Variants in SLC39A11 observed in about 807,000 individuals in gnomAD.
The protein encoded by SLC39A11 is zinc transporter ZIP11.
Under a neutral mutation model 36.1 loss-of-function variants are expected in SLC39A11, and 33 were observed. The ratio of observed to expected loss-of-function variants is 0.91; its 90% CI spans 0.69 to 1.22. The LOEUF (loss-of-function observed/expected upper bound fraction) is 1.22, where lower values mean the gene tolerates loss of function less well. Among genes scored for constraint, SLC39A11 ranks in the 50% most tolerant of loss-of-function variants. The pLI is 0.00. For synonymous variants in SLC39A11, 166 were observed against 170.3 expected (o/e 0.97, Z 0.20); for missense variants, 432 against 430.3 (o/e 1.00, Z -0.03).
chr17:73,057,508 T>A (rs924273545), intron 3 of SLC39A11, among the ~76,000 whole-genome samples: 3 of 152,190 alleles, frequency 2.0e-5, no homozygotes, highest in Admixed American at 2.0e-4. Context: ...CAAAAACAAA[T>A]AAAAGTGATT....
intron 6 of SLC39A11, among the ~76,000 whole-genome samples, chr17:72,801,062 C>T (rs748804108): frequency 1.2e-4 from 19 of 152,148 alleles, no homozygotes; most frequent in Non-Finnish European, 2.6e-4. Context: ...CACAAAAGCC[C>T]ACAGACGACA....
chr17:72,975,072 C>T lies in SLC39A11; in HGVS notation c.307-27197G>A, dbSNP rs111944847. Among the ~76,000 whole-genome samples the T allele has an allele frequency of 6.9e-3, 1,050 of 152,202 alleles. 15 individuals are homozygous for T. Among genetic ancestry groups the T allele is most frequent in the African/African-American group, 0.022 (916 of 41,512 alleles). On this transcript the variant is annotated intron_variant, in intron 4 of 9. Coordinates refer to ENST00000255559, the MANE Select transcript of SLC39A11 (RefSeq NM_139177.4). ...AGACATTTCTCAGCATGTATCCCCA[C>T]CGTTGAGTAATGCATGACTTTATTA...
chr17:73,061,890 G>C (rs1174270955), intron 3 of SLC39A11, among the ~76,000 whole-genome samples: 1 of 152,070 alleles, frequency 6.6e-6, no homozygotes, highest in Non-Finnish European at 1.5e-5. Context: ...CAGCTACTCA[G>C]GGGGCTAAGG....
Position 73,043,901 on chromosome 17 carries a change from A to C in SLC39A11, c.148-12187T>G, listed in dbSNP as rs150644651. On this transcript the variant is annotated intron_variant, in intron 3 of 9. Coordinates refer to ENST00000255559, the MANE Select transcript of SLC39A11 (RefSeq NM_139177.4). ...TCAGTATGAATCAAATCCATATGGG[A>C]GCTATATCTGTACTTAATTTGCTTT... 1.0e-3 allele frequency among the ~76,000 whole-genome samples: 154 copies of C among 152,312 alleles called. 3 individuals carry two copies. The East Asian group carries it at 0.023, about 22-fold the overall frequency.
chr17:73,018,588 T>C (rs2058245457), intron 4 of SLC39A11, among the ~76,000 whole-genome samples: 1 of 151,886 alleles, frequency 6.6e-6, no homozygotes, highest in African/African-American at 2.4e-5. Flanking sequence ...AATCAATCTA[T>C]AGACCCAAGA....
chr17:72,694,512 G>A lies in SLC39A11; in HGVS notation c.671+42138C>T, dbSNP rs370777441. Reference sequence around the variant, plus strand: ...GCCACTGTGCAGCTGTCTGCAGGGCGGCTCTGTGGGGCTCCCCTCCATTGC... The same window carrying A: ...GCCACTGTGCAGCTGTCTGCAGGGCAGCTCTGTGGGGCTCCCCTCCATTGC... On this transcript the variant is annotated intron_variant, in intron 7 of 9. Coordinates refer to ENST00000255559, the MANE Select transcript of SLC39A11 (RefSeq NM_139177.4). Among the ~76,000 whole-genome samples the A allele has an allele frequency of 5.3e-5, 8 of 152,330 alleles. No homozygotes were observed. In the East Asian group the frequency reaches 5.8e-4, roughly 11 times the overall value.
At chr17:72,664,716 G>C (rs2070649398) in intron 7 of SLC39A11, among the ~76,000 whole-genome samples, 1 of 152,210 alleles carries the variant, frequency 6.6e-6, no homozygotes, top group South Asian at 2.1e-4. Flanking sequence ...ATTCCACTCA[G>C]GGCCAGGGCC....
At chr17:72,809,527 T>C (rs1202013757) in intron 6 of SLC39A11, among the ~76,000 whole-genome samples, 1 of 152,154 alleles carries the variant, frequency 6.6e-6, no homozygotes, top group African/African-American at 2.4e-5. Context: ...TCACCTGGAC[T>C]CCATCTTTCT....
At chr17:73,062,461 CA>C (rs1555698613) in intron 3 of SLC39A11, among the ~76,000 whole-genome samples, 1,375 of 27,854 alleles carry the variant, frequency 0.049, 200 homozygotes, top group African/African-American at 0.17. Context: ...GAGCTTGTCT[CA>C]AAAAAAAAAA....
At chr17:72,649,461 C>T (rs55991435) in intron 7 of SLC39A11, among the ~76,000 whole-genome samples, 193 bp from the exon 8 acceptor site, 19,425 of 152,184 alleles carry the variant, frequency 0.13, 1,529 homozygotes, top group Non-Finnish European at 0.17. Flanking sequence ...GAGGGAGTGA[C>T]GTGAGCCCTC....
intron 6 of SLC39A11, among the ~76,000 whole-genome samples, chr17:72,739,271 C>G (rs1351021436): frequency 6.6e-6 from 1 of 151,976 alleles, no homozygotes; most frequent in Non-Finnish European, 1.5e-5. Context: ...GGACTACAGG[C>G]ATGCGCCACC....
rs191046493 is a variant in SLC39A11 at position 72,721,342 on chromosome 17, C to T, written c.671+15308G>A. 3.7e-4 allele frequency among the ~76,000 whole-genome samples: 57 copies of T among 152,164 alleles called. 2 individuals carry two copies. The East Asian group carries it at 9.3e-3, about 25-fold the overall frequency. ...GATCTCCTGACCTCAGGTGATCTGC[C>T]CACCTCACCCTCCCAAAGTGTTGGG... On this transcript the variant is annotated intron_variant, in intron 7 of 9. Coordinates refer to ENST00000255559, the MANE Select transcript of SLC39A11 (RefSeq NM_139177.4).
chr17:72,820,960 TTTTTTGTTTTTG>T (rs139670069), intron 6 of SLC39A11, among the ~76,000 whole-genome samples: 9 of 150,208 alleles, frequency 6.0e-5, no homozygotes, highest in Non-Finnish European at 7.5e-5. Flanking sequence ...TATTATAAGG[TTTTTTGTTTTTG>T]TTTTTGTTTT....
chr17:72,808,420 A>G (rs1213349813), intron 6 of SLC39A11, among the ~76,000 whole-genome samples: 3 of 152,362 alleles, frequency 2.0e-5, no homozygotes, highest in African/African-American at 7.2e-5. Context: ...TAAAGCAAGG[A>G]TGATAATAGT....
intron 6 of SLC39A11, among the ~76,000 whole-genome samples, chr17:72,813,093 A>T (rs1375956616): frequency 6.6e-6 from 1 of 152,204 alleles, no homozygotes; most frequent in African/African-American, 2.4e-5. Flanking sequence ...GAGACTGCCC[A>T]TAGCTCCCGT....
intron 7 of SLC39A11, among the ~76,000 whole-genome samples, chr17:72,668,128 CACAG>C (rs2070837693): frequency 6.6e-6 from 1 of 151,876 alleles, no homozygotes; most frequent in South Asian, 2.1e-4. Flanking sequence ...TGGAATCTGA[CACAG>C]ACAATGTGAA....
At chr17:72,700,684 T>C (rs2144560681) in intron 7 of SLC39A11, among the ~76,000 whole-genome samples, 1 of 152,276 alleles carries the variant, frequency 6.6e-6, no homozygotes, top group African/African-American at 2.4e-5. Context: ...GACTGGGCAA[T>C]GTACAAAAGA....
chr17:72,669,597 G>A (rs1338674312), intron 7 of SLC39A11, among the ~76,000 whole-genome samples: 1 of 152,146 alleles, frequency 6.6e-6, no homozygotes, highest in East Asian at 1.9e-4. Flanking sequence ...TCCTGGTGAT[G>A]CCAACCTTGA....
chr17:72,863,897 C>A (rs140383802), intron 5 of SLC39A11, among the ~76,000 whole-genome samples: 1 of 152,228 alleles, frequency 6.6e-6, no homozygotes, highest in Admixed American at 6.5e-5. Context: ...TTTCCATTCA[C>A]GTCACCAAAT....
Sources: gnomAD v4.1 joint callset for allele counts (sites outside exome capture counted in the v4.1 genomes callset) on GRCh38, gnomAD v4.1.1 for gene constraint, MANE v1.5 for transcripts, NCBI Gene and HGNC (gene_info 2026-07-23, HGNC 2026-07-21) for gene names.